The following GREB1L variants were observed in gnomAD, a reference collection of about 807,000 sequenced individuals.
GREB1L encodes GREB1 like retinoic acid receptor coactivator.
Under a neutral mutation model 200.8 loss-of-function variants are expected in GREB1L, and 17 were observed. The observed-to-expected ratio is 0.08, with a 90% CI of 0.06 to 0.13. GREB1L has a LOEUF of 0.13. Ranked by LOEUF, GREB1L falls within the 10% of genes least tolerant of loss-of-function variation. GREB1L has a pLI of 1.00. For synonymous variants in GREB1L, 789 were observed against 893.0 expected, an observed-to-expected ratio of 0.88 and a Z score of 2.08; for missense variants, 1,657 against 2,367.7, an observed-to-expected ratio of 0.70 and a Z score of 6.23.
At chr18:21,505,296 T>C (rs2145992866) in intron 23 of GREB1L, 116 bp from the exon 24 acceptor site, 1 of 923,746 alleles carries the variant, frequency 1.1e-6, no homozygotes, top group East Asian at 2.6e-5. Context: ...AGCTCATTTT[T>C]CAGAAATGCC....
At chr18:21,346,692 GTTTC>G (rs1250358075) in intron 1 of GREB1L, among the ~76,000 whole-genome samples, 1 of 152,186 alleles carries the variant, frequency 6.6e-6, no homozygotes, top group African/African-American at 2.4e-5. Flanking sequence ...CAAGTTAGAA[GTTTC>G]TTTCTTCTTG....
chr18:21,506,015 G>C, intron 25 of GREB1L, 66 bp downstream of exon 25: 1 of 1,448,940 alleles, frequency 6.9e-7, no homozygotes, highest in Non-Finnish European at 9.2e-7. Context: ...AGGGTGGGGG[G>C]TGGAGGGATG....
intron 7 of GREB1L, among the ~76,000 whole-genome samples, chr18:21,410,404 C>A (rs2030821972): frequency 6.6e-6 from 1 of 151,834 alleles, no homozygotes; most frequent in Admixed American, 6.6e-5. Flanking sequence ...GCCTGTAATC[C>A]CAGCACTTTG....
At chr18:21,290,882 C>T (rs913852144) in intron 1 of GREB1L, among the ~76,000 whole-genome samples, 16 of 150,910 alleles carry the variant, frequency 1.1e-4, no homozygotes, top group African/African-American at 3.7e-4. Flanking sequence ...ACTTTACTGT[C>T]GAGTCAAGTC....
chr18:21,253,932 G>T (rs1409779322), intron 1 of GREB1L, among the ~76,000 whole-genome samples: 2 of 151,024 alleles, frequency 1.3e-5, no homozygotes, highest in Non-Finnish European at 2.9e-5. Flanking sequence ...GAACTCCTGG[G>T]CTCAAAGGAT....
chr18:21,505,401 T>C lies in GREB1L; in HGVS notation c.4073-11T>C. ...CAGTCACCTGCTCTGCACACTTCCT[T>C]CTTGTCCTAGATCACAATGAAAGCA... is the stretch of plus-strand genomic sequence containing the variant. On this transcript the variant is annotated splice_polypyrimidine_tract_variant and intron_variant, in intron 23 of 32. Transcript: ENST00000424526. 2 of 1,549,462 alleles carry C rather than the reference T, an allele frequency of 1.3e-6. No individual in the cohort carries two copies. Among genetic ancestry groups the C allele is most frequent in the Non-Finnish European group, 1.7e-6 (2 of 1,146,808 alleles).
chr18:21,289,543 C>CG (rs552242826), intron 1 of GREB1L, among the ~76,000 whole-genome samples: 14 of 151,242 alleles, frequency 9.3e-5, no homozygotes, highest in Admixed American at 7.2e-4. Flanking sequence ...ACCATCCCCC[C>CG]CCGCAAAAAA....
Position 21,432,231 on chromosome 18 carries a change from A to G in GREB1L, c.833-7290A>G, listed in dbSNP as rs534833130. Among the ~76,000 whole-genome samples, 264 of 151,878 alleles carry G rather than the reference A, an allele frequency of 1.7e-3. 4 individuals carry two copies. The highest frequency in any genetic ancestry group is 0.015 in the Admixed American group (232 of 15,250). On this transcript the variant is annotated intron_variant, in intron 7 of 32. Transcript: ENST00000424526. ...AGCCACCGTGCCCGGCCTAGAGTCT[A>G]TTTCTTCTGAGATTAGGATGGCCAC...
In GREB1L at chr18:21,428,604, A is replaced by G. The variant is rs1270539296; in HGVS notation, c.833-10917A>G. 3.2e-5 allele frequency among the ~76,000 whole-genome samples: 4 copies of G among 125,120 alleles called. No individual in the cohort carries two copies. The Admixed American group carries it at 3.4e-4, about 11-fold the overall frequency. 82.1% of individuals were successfully genotyped at this position (125,120 alleles called of 152,430 possible). ...GTTAAGCCAACCTTGAATTTCAGCT[A>G]TAAATCTCACTTAGCCATAGCATAT... On this transcript the variant is annotated intron_variant, in intron 7 of 32. Transcript: ENST00000424526.
At chr18:21,265,007 A>G (rs1016419358) in intron 1 of GREB1L, among the ~76,000 whole-genome samples, 6 of 152,172 alleles carry the variant, frequency 3.9e-5, no homozygotes, top group African/African-American at 1.4e-4. Context: ...TTACTAAGGT[A>G]ACAGATTTTT....
chr18:21,295,438 C>T (rs989783776), intron 1 of GREB1L, among the ~76,000 whole-genome samples: 1 of 152,168 alleles, frequency 6.6e-6, no homozygotes, highest in African/African-American at 2.4e-5. Flanking sequence ...GATATCTGCA[C>T]CTGTACGGCA....
chr18:21,503,316 C>T (rs1032572917), intron 23 of GREB1L, among the ~76,000 whole-genome samples: 7 of 151,216 alleles, frequency 4.6e-5, no homozygotes, highest in Non-Finnish European at 8.8e-5. Flanking sequence ...AAGCAGTTCT[C>T]CTGCCTCAGC....
At chr18:21,268,522 T>TACACAC (rs773384876) in intron 1 of GREB1L, among the ~76,000 whole-genome samples, 1,000 of 64,984 alleles carry the variant, frequency 0.015, 20 homozygotes, top group Non-Finnish European at 0.023. Flanking sequence ...TATATATATA[T>TACACAC]ACACACACAC....
At chr18:21,336,797 C>G (rs1011908818) in intron 1 of GREB1L, among the ~76,000 whole-genome samples, 1 of 152,212 alleles carries the variant, frequency 6.6e-6, no homozygotes, top group Admixed American at 6.5e-5. Flanking sequence ...TTACTTACCA[C>G]CAGCATACTG....
At chr18:21,355,472 G>T (rs1451150070) in intron 1 of GREB1L, among the ~76,000 whole-genome samples, 1 of 152,076 alleles carries the variant, frequency 6.6e-6, no homozygotes, top group Non-Finnish European at 1.5e-5. Context: ...GATTACAGGC[G>T]TGAGCCACCA....
chr18:21,456,726 A>G (rs1282365410), intron 15 of GREB1L, among the ~76,000 whole-genome samples: 3 of 152,182 alleles, frequency 2.0e-5, no homozygotes, highest in East Asian at 3.8e-4. Context: ...GATGAGCTGG[A>G]AAAGGTCAAA....
intron 1 of GREB1L, among the ~76,000 whole-genome samples, chr18:21,256,282 C>A (rs2037797188): frequency 6.6e-6 from 1 of 152,172 alleles, no homozygotes. Flanking sequence ...GTTCTGGCTG[C>A]TCTACTTTGA....
At chr18:21,278,385 A>AC (rs2038206740) in intron 1 of GREB1L, among the ~76,000 whole-genome samples, 10 of 127,414 alleles carry the variant, frequency 7.8e-5, no homozygotes, top group African/African-American at 3.3e-4. Flanking sequence ...CATCTCAAAA[A>AC]AAAAAAATAA....
intron 1 of GREB1L, among the ~76,000 whole-genome samples, chr18:21,260,669 A>G (rs2037874868): frequency 7.0e-6 from 1 of 142,026 alleles, no homozygotes; most frequent in South Asian, 2.1e-4. Context: ...TAACATATAA[A>G]TCTAATTAAA....
Sources: gnomAD v4.1 joint callset for allele counts (sites outside exome capture counted in the v4.1 genomes callset) on GRCh38, gnomAD v4.1.1 for gene constraint, MANE v1.5 for transcripts, NCBI Gene and HGNC (gene_info 2026-07-23, HGNC 2026-07-21) for gene names.